The following NARS1 variants were observed in gnomAD, a reference collection of about 807,000 sequenced individuals.
The protein encoded by NARS1 is asparaginyl-tRNA synthetase 1.
Under a neutral mutation model 79.2 loss-of-function variants are expected in NARS1, and 65 were observed. The ratio of observed to expected loss-of-function variants is 0.82; its 90% CI spans 0.67 to 1.01. NARS1 has a LOEUF of 1.01. Among genes scored for constraint, NARS1 ranks in the 50% least tolerant of loss-of-function variants. NARS1 has a pLI of 0.00. For synonymous variants in NARS1, 229 were observed against 238.8 expected, an observed-to-expected ratio of 0.96 and a Z score of 0.38; for missense variants, 649 against 673.8, an observed-to-expected ratio of 0.96 and a Z score of 0.41.
chr18:57,609,250 C>T (rs865787513), intron 7 of NARS1, 107 bp downstream of exon 7: 1 of 838,992 alleles, frequency 1.2e-6, no homozygotes, highest in Non-Finnish European at 1.9e-6. Flanking sequence ...TAGTTCTGTC[C>T]CTCTGAAGAA....
intron 4 of NARS1, 28 bp from the exon 5 acceptor site, chr18:57,613,708 T>C: frequency 6.4e-7 from 1 of 1,572,952 alleles, no homozygotes. Context: ...ACAACATTTG[T>C]TCAATAATGT....
chr18:57,604,306 C>T (rs145345600), intron 11 of NARS1, among the ~76,000 whole-genome samples: 2 of 152,186 alleles, frequency 1.3e-5, no homozygotes, highest in South Asian at 2.1e-4. Context: ...ATAATCTCAA[C>T]ACTCGGGAGG....
At chr18:57,621,513 G>A (rs918420322) in intron 1 of NARS1, among the ~76,000 whole-genome samples, 195 bp downstream of exon 1, 12 of 152,192 alleles carry the variant, frequency 7.9e-5, no homozygotes, top group African/African-American at 2.9e-4. Flanking sequence ...CGGACTCGGG[G>A]AAGCCCGGCC....
Position 57,606,709 on chromosome 18 carries a change from G to A in NARS1, c.1044C>T (p.Asp348=), listed in dbSNP as rs755696449. The A allele has an allele frequency of 4.2e-5, 67 of 1,613,944 alleles. No individual in the cohort carries two copies. The South Asian group carries it at 5.8e-4, about 14-fold the overall frequency. Residue 348 remains aspartate (D), a synonymous_variant, in exon 10 of 14, where the codon GAC becomes GAT. Transcript: ENST00000256854. The part of the protein sequence containing the change: ...VEAECPFLTF[D]DLLNRLEDLV... Reference sequence around the variant, plus strand: ...AGTCCTCCAACCGGTTCAGGAGGTCGTCAAAAGTCAGGAAAGGACACTCAG... The same window carrying A: ...AGTCCTCCAACCGGTTCAGGAGGTCATCAAAAGTCAGGAAAGGACACTCAG...
chr18:57,604,253 C>G (rs73961931), intron 11 of NARS1, among the ~76,000 whole-genome samples: 5 of 152,156 alleles, frequency 3.3e-5, no homozygotes, highest in African/African-American at 1.2e-4. Context: ...CATTATACAT[C>G]ATAAACTGAA....
rs776864584 is a variant in NARS1, at chr18:57,602,441, T to A, written c.1429A>T (p.Met477Leu). 1 of 1,613,822 alleles carries A rather than the reference T, an allele frequency of 6.2e-7. No individual in the cohort carries two copies. Among genetic ancestry groups the A allele is most frequent in the Admixed American group, 1.7e-5 (1 of 59,996 alleles). The change falls in exon 13 of 14, where the codon ATG becomes TTG. Residue 477 changes from methionine (M) to leucine (L), a missense_variant. Physicochemically the swap from Met to Leu is conservative, Grantham distance 15 (BLOSUM62 2). Transcript: ENST00000256854. The stretch of plus-strand genomic sequence containing the variant: ...ATTTCTTCACTATCAAAGATACGCA[T>A]TGAGCCTCCCACAATCTCACCAACA... ...PNVGEIVGGS[M>L]RIFDSEEILA...
In NARS1 at chr18:57,615,650, C is replaced by T. The variant is rs1907990540; in HGVS notation, c.333G>A (p.Glu111=). The change falls in exon 4 of 14, where the codon GAG becomes GAA. Residue 111 remains glutamate (E), a synonymous_variant. Transcript: ENST00000256854. ...ITIKNDPSLP[E]PKCVKIGALE... Reference sequence around the variant, plus strand: ...AGATAAACAAACTTACACATTTTGGCTCTGGGAGACTTGGATCATTTTTAA... The same window carrying T: ...AGATAAACAAACTTACACATTTTGGTTCTGGGAGACTTGGATCATTTTTAA... 1.2e-6 allele frequency: 2 copies of T among 1,609,128 alleles called. No homozygotes were observed. The highest frequency in any genetic ancestry group is 1.3e-5 in the African/African-American group (1 of 74,764).
At chr18:57,616,002 G>A in intron 2 of NARS1, 27 bp from the exon 3 acceptor site, 2 of 1,557,074 alleles carry the variant, frequency 1.3e-6, no homozygotes, top group South Asian at 2.4e-5. Flanking sequence ...AGAAAAGACA[G>A]TTCTTGAACA....
intron 6 of NARS1, among the ~76,000 whole-genome samples, chr18:57,611,402 A>G (rs896044448): frequency 6.6e-6 from 1 of 152,080 alleles, no homozygotes; most frequent in African/African-American, 2.4e-5. Flanking sequence ...ATGATTTTTT[A>G]TATGGTTCTA....
intron 2 of NARS1, among the ~76,000 whole-genome samples, chr18:57,616,352 G>A (rs548609784): frequency 2.9e-4 from 44 of 151,710 alleles, no homozygotes; most frequent in Middle Eastern, 3.4e-3. Context: ...CCTGGGAGGC[G>A]GAGCTTGCAG....
At chr18:57,608,472 C>G in intron 7 of NARS1, among the ~76,000 whole-genome samples, 1 of 144,082 alleles carries the variant, frequency 6.9e-6, no homozygotes. Context: ...TAAAAACAGG[C>G]TCAAATTCTA....
intron 1 of NARS1, among the ~76,000 whole-genome samples, chr18:57,620,992 C>G (rs1377600909): frequency 6.6e-6 from 1 of 152,164 alleles, no homozygotes; most frequent in Non-Finnish European, 1.5e-5. Flanking sequence ...CAGGGTGACT[C>G]TGGAGAATTT....
intron 7 of NARS1, among the ~76,000 whole-genome samples, chr18:57,608,550 T>C (rs2051580935): frequency 6.6e-6 from 1 of 151,964 alleles, no homozygotes; most frequent in Non-Finnish European, 1.5e-5. Context: ...TGAAAAGTAA[T>C]TCATATATCT....
intron 9 of NARS1, 61 bp downstream of exon 9, chr18:57,607,073 T>C (rs1302984380): frequency 2.4e-5 from 35 of 1,476,132 alleles, no homozygotes; most frequent in Non-Finnish European, 3.1e-5. Flanking sequence ...TTACCTACAC[T>C]AAGATTTCTT....
At chr18:57,613,224 C>T (rs1287816950) in intron 5 of NARS1, among the ~76,000 whole-genome samples, 2 of 151,218 alleles carry the variant, frequency 1.3e-5, no homozygotes, top group Non-Finnish European at 2.9e-5. Flanking sequence ...CCGGGCGCAG[C>T]GGCTCATACC....
chr18:57,606,553 G>A, intron 10 of NARS1, 63 bp downstream of exon 10: 2 of 1,521,978 alleles, frequency 1.3e-6, no homozygotes, highest in East Asian at 2.3e-5. Flanking sequence ...AACTGAGGGT[G>A]AAGACTTCAT....
chr18:57,621,700 T>C lies in NARS1; in HGVS notation c.10+8A>G. On this transcript the variant is annotated splice_region_variant and intron_variant, in intron 1 of 13. Coordinates refer to ENST00000256854, the MANE Select transcript of NARS1 (RefSeq NM_004539.4). ...GGAACACCGCGCCATACACTGAGTC[T>C]CACCCACCTAGCACCATGCCTGCAG... 3 of 1,613,118 alleles carry C rather than the reference T, an allele frequency of 1.9e-6. No homozygotes were observed. Among genetic ancestry groups the C allele is most frequent in the Non-Finnish European group, 2.5e-6 (3 of 1,179,360 alleles).
rs181915334 is a variant in NARS1, at chr18:57,615,284, C to T, written c.342+357G>A. 9.8e-5 allele frequency among the ~76,000 whole-genome samples: 15 copies of T among 152,292 alleles called. No individual in the cohort carries two copies. The East Asian group carries it at 2.7e-3, about 27-fold the overall frequency. ...TTGGGAGGTCGAGGTGGGCAGATCA[C>T]GAGATCGGGAGATCAAGACCATCCT... On this transcript the variant is annotated intron_variant, in intron 4 of 13. Coordinates refer to ENST00000256854, the MANE Select transcript of NARS1 (RefSeq NM_004539.4).
chr18:57,615,613 C>T lies in NARS1; in HGVS notation c.342+28G>A, dbSNP rs547064083. On this transcript the variant is annotated intron_variant, in intron 4 of 13. Transcript: ENST00000256854. The stretch of plus-strand genomic sequence containing the variant: ...TAATGATCTGATGTAGCCAAGTCCA[C>T]GGTATTTGAAAAGATAAACAAACTT... The T allele has an allele frequency of 8.6e-5, 128 of 1,491,614 alleles. 1 individual carries two copies. The highest frequency in any genetic ancestry group is 1.8e-4 in the African/African-American group (13 of 72,302). The allele number at this position is 1,491,614 out of a possible 1,614,324, so 92.4% of individuals were successfully genotyped here.
Sources: gnomAD v4.1 joint callset for allele counts (sites outside exome capture counted in the v4.1 genomes callset) on GRCh38, gnomAD v4.1.1 for gene constraint, MANE v1.5 for transcripts, NCBI Gene and HGNC (gene_info 2026-07-23, HGNC 2026-07-21) for gene names.